USP28: variants seen among roughly 807,000 people sequenced by gnomAD.
USP28 encodes the protein ubiquitin carboxyl-terminal hydrolase 28.
USP28 carries 113 observed loss-of-function variants against 145.0 expected under a neutral mutation model. The ratio of observed to expected loss-of-function variants is 0.78; its 90% CI spans 0.67 to 0.91. USP28 has a LOEUF of 0.91. USP28 is among the 40% of genes least tolerant of loss of function. The pLI is 0.00. For synonymous variants in USP28, 447 were observed against 450.9 expected (o/e 0.99, Z 0.11); for missense variants, 1,201 against 1,289.6 (o/e 0.93, Z 1.05).
At chr11:113,803,395 A>T (rs1156293128) in intron 22 of USP28, 114 bp from the exon 24 acceptor site, 2 of 1,225,312 alleles carry the variant, frequency 1.6e-6, no homozygotes, top group Non-Finnish European at 2.2e-6. Flanking sequence ...TGAAAAAGTG[A>T]AGGACCAAAG....
intron 1 of USP28, among the ~76,000 whole-genome samples, chr11:113,854,875 A>G (rs183322740): frequency 1.3e-5 from 2 of 152,346 alleles, no homozygotes; most frequent in Admixed American, 1.3e-4. Context: ...AAAACATTTA[A>G]ATGTAATATT....
chr11:113,862,930 T>A (rs929276201), intron 1 of USP28, among the ~76,000 whole-genome samples: 2 of 152,104 alleles, frequency 1.3e-5, no homozygotes, highest in Non-Finnish European at 1.5e-5. Context: ...AGAGTTAAGA[T>A]CATATTCAAT....
chr11:113,809,046 A>G lies in USP28; in HGVS notation c.2164+17T>C. ...GAGATGTTACTGGATCACTGGCATA[A>G]ATGCCTTCTCAGATACCTTGTGATG... On this transcript the variant is annotated intron_variant, in intron 17 of 24. Transcript: ENST00000003302. 2 of 1,609,750 alleles carry G rather than the reference A, an allele frequency of 1.2e-6. No individual in the cohort carries two copies. Among genetic ancestry groups the G allele is most frequent in the Non-Finnish European group, 1.7e-6 (2 of 1,176,972 alleles).
chr11:113,827,027 A>G (rs531934394), intron 11 of USP28, among the ~76,000 whole-genome samples: 1 of 152,212 alleles, frequency 6.6e-6, no homozygotes, highest in South Asian at 2.1e-4. Flanking sequence ...TTTCACCTAA[A>G]GTCTTGCTTC....
At chr11:113,808,083 C>T in intron 18 of USP28, 1 of 1,433,124 alleles carries the variant, frequency 7.0e-7, no homozygotes, top group Non-Finnish European at 9.2e-7. Context: ...GTTCTGACTG[C>T]TCTGCAAGGT....
rs764145449 is a variant in USP28, at chr11:113,799,326, G to A, written c.3148C>T (p.Arg1050Ter). The change falls in exon 25 of 25, where the codon CGA becomes TGA. Residue 1050 changes from arginine to a stop codon, truncating the protein, a stop_gained. Coordinates refer to ENST00000003302, the Ensembl canonical transcript of USP28. LOFTEE classifies it high-confidence loss of function. ...CATAGGTCATAGGGAGAATTGGGTC[G>A]AATAGTTGGAGGCTCTTTCAAGACG... 4.3e-6 allele frequency: 7 copies of A among 1,614,194 alleles called. No individual in the cohort carries two copies. The highest frequency in any genetic ancestry group is 5.1e-6 in the Non-Finnish European group (6 of 1,180,042).
intron 13 of USP28, among the ~76,000 whole-genome samples, chr11:113,816,535 C>CA (rs1941769341): frequency 6.6e-6 from 1 of 151,870 alleles, no homozygotes; most frequent in South Asian, 2.1e-4. Context: ...AACAAACAAA[C>CA]AAAAAAACCT....
chr11:113,870,721 T>C (rs1360643249), intron 1 of USP28, among the ~76,000 whole-genome samples: 1 of 152,244 alleles, frequency 6.6e-6, no homozygotes, highest in African/African-American at 2.4e-5. Context: ...TTAAGCTCTG[T>C]AGCAGAATCT....
intron 16 of USP28, 37 bp downstream of exon 16, chr11:113,812,239 T>C (rs1454344196): frequency 6.4e-7 from 1 of 1,558,980 alleles, no homozygotes; most frequent in East Asian, 2.2e-5. Flanking sequence ...CAGTACAGAT[T>C]TTCCCCAATC....
At chr11:113,821,332 GC>G in intron 12 of USP28, 1 of 227,174 alleles carries the variant, frequency 4.4e-6, no homozygotes, top group Non-Finnish European at 9.9e-6. Flanking sequence ...AAAGTAACAT[GC>G]CCCTTGGGTC....
chr11:113,799,315 A>G, exon 25 of USP28: 1 of 1,614,200 alleles, frequency 6.2e-7, no homozygotes, highest in Non-Finnish European at 8.5e-7. Context: ...GGTCATAGGG[A>G]GAATTGGGTC....
chr11:113,809,889 G>A (rs1284862563), intron 16 of USP28, among the ~76,000 whole-genome samples: 1 of 152,138 alleles, frequency 6.6e-6, no homozygotes, highest in Non-Finnish European at 1.5e-5. Context: ...ACAAAAATTA[G>A]TCAAGCGTGG....
chr11:113,874,008 G>C (rs1472424211), intron 1 of USP28, among the ~76,000 whole-genome samples: 1 of 151,856 alleles, frequency 6.6e-6, no homozygotes, highest in East Asian at 1.9e-4. Flanking sequence ...GGGCGTGGTG[G>C]CACGCGCCTG....
chr11:113,871,844 T>A (rs545382517), intron 1 of USP28, among the ~76,000 whole-genome samples: 12 of 152,150 alleles, frequency 7.9e-5, no homozygotes, highest in African/African-American at 1.9e-4. Context: ...ATTATAAGAG[T>A]AGTGGAAAGT....
chr11:113,799,093 C>T, exon 25 of USP28: 3 of 875,392 alleles, frequency 3.4e-6, no homozygotes, highest in South Asian at 2.1e-5. Context: ...ATTTTCAATC[C>T]TTCTTTACAC....
chr11:113,831,488 G>A (rs200778840), intron 8 of USP28, among the ~76,000 whole-genome samples: 2 of 152,110 alleles, frequency 1.3e-5, no homozygotes, highest in Non-Finnish European at 2.9e-5. Context: ...AGGGATATCC[G>A]TATCGTGCCC....
intron 12 of USP28, chr11:113,821,504 C>T (rs1942601036): frequency 4.7e-6 from 1 of 210,724 alleles, no homozygotes; most frequent in Non-Finnish European, 1.0e-5. Context: ...GGTCGGGTGG[C>T]TGTTAATCTT....
At position 113,831,908 on chromosome 11, in the gene USP28, C is replaced by T. The variant is rs1368991466; in HGVS notation, c.833+12G>A. ...AGTCGGAAGGATGTACAAACAAACC[C>T]TCAACACTCACTTAACATTAACAGC... On this transcript the variant is annotated intron_variant, in intron 8 of 24. Transcript: ENST00000003302. The T allele has an allele frequency of 6.2e-7, 1 of 1,613,084 alleles. No individual in the cohort carries two copies. The highest frequency in any genetic ancestry group is 1.7e-5 in the Admixed American group (1 of 59,960).
intron 3 of USP28, among the ~76,000 whole-genome samples, chr11:113,842,642 CTA>C (rs1228546228): frequency 4.7e-5 from 7 of 149,064 alleles, no homozygotes; most frequent in Non-Finnish European, 8.9e-5. Context: ...TGAGTTAATA[CTA>C]GATGGAGCAG....
Sources: gnomAD v4.1 joint callset for allele counts (sites outside exome capture counted in the v4.1 genomes callset) on GRCh38, gnomAD v4.1.1 for gene constraint, MANE v1.5 for transcripts, NCBI Gene and HGNC (gene_info 2026-07-23, HGNC 2026-07-21) for gene names.